Variants in CDIN1 observed in about 807,000 individuals in gnomAD.
CDIN1 encodes the protein CDAN1 interacting nuclease 1, also known as CDAN1-interacting nuclease 1.
A neutral mutation model predicts 45.3 loss-of-function variants in CDIN1; 33 were observed. That is an observed-to-expected ratio of 0.73 (90% CI 0.55 to 0.97). The LOEUF (loss-of-function observed/expected upper bound fraction) is 0.97. Ranked by LOEUF, CDIN1 falls within the 50% of genes least tolerant of loss-of-function variation. The pLI, the probability that CDIN1 is intolerant of heterozygous loss-of-function variation, is 0.00. For synonymous variants in CDIN1, 118 were observed against 124.4 expected (o/e 0.95, Z 0.34); for missense variants, 303 against 339.4 (o/e 0.89, Z 0.84).
At chr15:36,741,798 G>T (rs936109831) in intron 10 of CDIN1, among the ~76,000 whole-genome samples, 59 of 152,202 alleles carry the variant, frequency 3.9e-4, no homozygotes, top group African/African-American at 1.4e-3. Context: ...ACACCCTAAT[G>T]ACCTCATTGT....
chr15:36,685,046 A>AT (rs1196958475), intron 5 of CDIN1, among the ~76,000 whole-genome samples: 1 of 151,982 alleles, frequency 6.6e-6, no homozygotes, highest in Non-Finnish European at 1.5e-5. Context: ...GGATTCATTA[A>AT]TTTTTTGAAG....
rs2040710251 is a variant in CDIN1 at position 36,654,610 on chromosome 15, T to C, written c.273+452T>C. ...TCATTTTTTTGTTAGCAAACTTTTA[T>C]TATAATAAAGGATACATGCCTTGTA... On this transcript the variant is annotated intron_variant, in intron 4 of 10. Coordinates refer to ENST00000566621, the MANE Select transcript of CDIN1 (RefSeq NM_001321759.2). Among the ~76,000 whole-genome samples, 3 of 152,136 alleles carry C rather than the reference T, an allele frequency of 2.0e-5. No individual in the cohort carries two copies. In the South Asian group the frequency reaches 6.2e-4, roughly 31 times the overall value.
rs1053910224 is a variant in CDIN1 at position 36,630,588 on chromosome 15, A to G, written c.102-13690A>G. Among the ~76,000 whole-genome samples, 112 of 152,286 alleles carry G rather than the reference A, an allele frequency of 7.4e-4. 1 individual carries two copies. Among genetic ancestry groups the G allele is most frequent in the African/African-American group, 2.5e-3 (105 of 41,574 alleles). On this transcript the variant is annotated intron_variant, in intron 1 of 10. Coordinates refer to ENST00000566621, the MANE Select transcript of CDIN1 (RefSeq NM_001321759.2). ...TGCCACCCTCCCTATTGTTTAATAC[A>G]TATTTGTGGAATACATAAAGATGTT...
intron 1 of CDIN1, among the ~76,000 whole-genome samples, chr15:36,635,834 A>G (rs1313282455): frequency 6.6e-6 from 1 of 152,352 alleles, no homozygotes; most frequent in South Asian, 2.1e-4. Flanking sequence ...TCAGTGCATC[A>G]ATTTAACAGT....
intron 10 of CDIN1, among the ~76,000 whole-genome samples, chr15:36,778,845 AATATT>A (rs2054282641): frequency 6.6e-6 from 1 of 152,240 alleles, no homozygotes; most frequent in South Asian, 2.1e-4. Context: ...TGCTGAAATA[AATATT>A]TAAGATTCCT....
chr15:36,613,902 A>T, intron 1 of CDIN1: 1 of 1,554,566 alleles, frequency 6.4e-7, no homozygotes, highest in South Asian at 1.1e-5. Context: ...GAACGCACAG[A>T]GAATGAGCTG....
intron 10 of CDIN1, among the ~76,000 whole-genome samples, chr15:36,745,161 C>T (rs2044376063): frequency 6.6e-6 from 1 of 152,064 alleles, no homozygotes; most frequent in South Asian, 2.1e-4. Context: ...AAAAATTGCA[C>T]TTTTCCAAGC....
Position 36,737,748 on chromosome 15 carries a change from T to TAATA in CDIN1, c.716+27789_716+27790insTAAA, listed in dbSNP as rs1168519778. Among the ~76,000 whole-genome samples the TAATA allele has an allele frequency of 3.9e-5, 6 of 152,170 alleles. No individual in the cohort carries two copies. In the East Asian group the frequency reaches 1.2e-3, roughly 29 times the overall value. On this transcript the variant is annotated intron_variant, in intron 10 of 10. Transcript: ENST00000566621. Reference sequence around the variant, plus strand: ...AGAATGTAAAGTAATTTAACCCAAATAAGAATACTCATATACAGGGAAATG... The same window carrying TAATA: ...AGAATGTAAAGTAATTTAACCCAAATAATAAAGAATACTCATATACAGGGAAATG...
At chr15:36,629,827 T>G (rs1239922290) in intron 1 of CDIN1, among the ~76,000 whole-genome samples, 1 of 152,172 alleles carries the variant, frequency 6.6e-6, no homozygotes, top group Non-Finnish European at 1.5e-5. Context: ...TTTCTTGTGA[T>G]AACCAAGTTT....
chr15:36,722,982 TG>T (rs5811930), intron 10 of CDIN1, among the ~76,000 whole-genome samples: 37,947 of 137,174 alleles, frequency 0.28, 5,057 homozygotes, highest in East Asian at 0.44. Context: ...TGTGTGTGTG[TG>T]TGTTTCTCTC....
chr15:36,723,133 A>C (rs1178585656), intron 10 of CDIN1, among the ~76,000 whole-genome samples: 1 of 152,134 alleles, frequency 6.6e-6, no homozygotes, highest in African/African-American at 2.4e-5. Context: ...TTGTACTAGC[A>C]AATTGTCTTG....
intron 10 of CDIN1, among the ~76,000 whole-genome samples, chr15:36,757,423 T>C (rs1442512919): frequency 6.6e-6 from 1 of 152,204 alleles, no homozygotes; most frequent in Non-Finnish European, 1.5e-5. Context: ...TTGCTATCAA[T>C]CCGATACAAA....
rs115585191 is a variant in CDIN1 at position 36,757,165 on chromosome 15, C to T, written c.716+47204C>T. ...GGTCCTGTTCTCATCACATACTTCA[C>T]GTCTACCAACCAGAGCTTTGTCACC... On this transcript the variant is annotated intron_variant, in intron 10 of 10. Transcript: ENST00000566621. Among the ~76,000 whole-genome samples the T allele has an allele frequency of 6.5e-3, 984 of 152,274 alleles. 13 individuals are homozygous for T. The highest frequency in any genetic ancestry group is 0.022 in the African/African-American group (909 of 41,542).
chr15:36,767,755 G>A (rs915268058), intron 10 of CDIN1, among the ~76,000 whole-genome samples: 2 of 152,156 alleles, frequency 1.3e-5, no homozygotes, highest in Admixed American at 1.3e-4. Context: ...TTTGAATCAT[G>A]TGTAGAGTGA....
At chr15:36,739,075 C>T (rs923714763) in intron 10 of CDIN1, among the ~76,000 whole-genome samples, 4 of 152,124 alleles carry the variant, frequency 2.6e-5, no homozygotes, top group Non-Finnish European at 2.9e-5. Flanking sequence ...AATAAACAAT[C>T]ATCAGTCTTT....
At chr15:36,695,606 G>A (rs1226917712) in intron 7 of CDIN1, among the ~76,000 whole-genome samples, 2 of 152,114 alleles carry the variant, frequency 1.3e-5, no homozygotes, top group Non-Finnish European at 2.9e-5. Context: ...CAGCACTTTG[G>A]GAGGCTGAGA....
chr15:36,656,717 G>C (rs903483406), intron 4 of CDIN1, among the ~76,000 whole-genome samples: 2 of 152,038 alleles, frequency 1.3e-5, no homozygotes, highest in Admixed American at 1.3e-4. Flanking sequence ...CTCTGATGTG[G>C]GTTACTAGGA....
At chr15:36,753,838 G>A (rs1028102085) in intron 10 of CDIN1, among the ~76,000 whole-genome samples, 1 of 151,988 alleles carries the variant, frequency 6.6e-6, no homozygotes, top group African/African-American at 2.4e-5. Context: ...CCCCAGAAAA[G>A]GACTAAAAAG....
intron 1 of CDIN1, chr15:36,618,038 T>C: frequency 5.1e-6 from 4 of 780,168 alleles, no homozygotes; most frequent in Non-Finnish European, 2.3e-6. Context: ...CCAGCAGTTC[T>C]CGGTCTATAG....
Sources: gnomAD v4.1 joint callset for allele counts (sites outside exome capture counted in the v4.1 genomes callset) on GRCh38, gnomAD v4.1.1 for gene constraint, MANE v1.5 for transcripts, NCBI Gene and HGNC (gene_info 2026-07-23, HGNC 2026-07-21) for gene names.